DIS3L2: variants seen among roughly 807,000 people sequenced by gnomAD.
DIS3L2 encodes DIS3-like exonuclease 2.
Under a neutral mutation model 97.5 loss-of-function variants are expected in DIS3L2, and 34 were observed. The observed-to-expected ratio is 0.35, with a 90% CI of 0.27 to 0.46. DIS3L2 has a LOEUF of 0.46. DIS3L2 is among the 20% of genes least tolerant of loss of function. DIS3L2 has a pLI of 1.00. For synonymous variants in DIS3L2, 435 were observed against 445.2 expected (o/e 0.98, Z 0.29); for missense variants, 1,038 against 1,146.0 (o/e 0.91, Z 1.36).
At chr2:232,086,648 T>TATATATATATACAC in intron 5 of DIS3L2, among the ~76,000 whole-genome samples, 2 of 46,536 alleles carry the variant, frequency 4.3e-5, no homozygotes, top group African/African-American at 2.7e-4. Context: ...TATATATGTA[T>TATATATATATACAC]ATATATATAT....
At chr2:232,118,308 A>C (rs1416539973) in intron 6 of DIS3L2, among the ~76,000 whole-genome samples, 1 of 152,202 alleles carries the variant, frequency 6.6e-6, no homozygotes, top group African/African-American at 2.4e-5. Flanking sequence ...ACAGGGCATG[A>C]AGACCAAGAG....
chr2:232,253,856 G>C (rs1393037411), intron 12 of DIS3L2, among the ~76,000 whole-genome samples: 1 of 152,094 alleles, frequency 6.6e-6, no homozygotes, highest in Non-Finnish European at 1.5e-5. Context: ...GGGGGCTGCT[G>C]TTTTTCATAA....
chr2:232,090,521 G>A (rs992104288), intron 6 of DIS3L2, among the ~76,000 whole-genome samples: 2 of 151,988 alleles, frequency 1.3e-5, no homozygotes, highest in East Asian at 3.9e-4. Context: ...GAAAATCACA[G>A]CATTTTTAAG....
At position 231,964,613 on chromosome 2, in the gene DIS3L2, G is replaced by A. The variant is rs1467025956; in HGVS notation, c.-94+2848G>A. Among the ~76,000 whole-genome samples, 7 of 152,150 alleles carry A rather than the reference G, an allele frequency of 4.6e-5. No homozygotes were observed. In the South Asian group the frequency reaches 8.3e-4, roughly 18 times the overall value. ...ATGATGATGGAGCTAAAACTGAGGC[G>A]TGTGAACCGTTTTTGGAAATGACAT... On this transcript the variant is annotated intron_variant, in intron 1 of 20. Transcript: ENST00000325385.
At chr2:232,303,094 C>T (rs1694904157) in intron 14 of DIS3L2, among the ~76,000 whole-genome samples, 1 of 152,154 alleles carries the variant, frequency 6.6e-6, no homozygotes, top group South Asian at 2.1e-4. Flanking sequence ...CTCATGACTT[C>T]CATCTTCCCA....
chr2:232,174,585 CAAAAAAA>C (rs60698530), intron 9 of DIS3L2, among the ~76,000 whole-genome samples: 4 of 83,972 alleles, frequency 4.8e-5, no homozygotes, highest in Non-Finnish European at 9.3e-5. Context: ...GACTCCACCT[CAAAAAAA>C]AAAAAAAAAA....
intron 8 of DIS3L2, among the ~76,000 whole-genome samples, chr2:232,138,761 C>T (rs1698428310): frequency 6.6e-6 from 1 of 152,124 alleles, no homozygotes; most frequent in African/African-American, 2.4e-5. Flanking sequence ...GGTTAGCTTC[C>T]ACATAAACTA....
chr2:231,980,383 T>A (rs1270162251), intron 1 of DIS3L2, among the ~76,000 whole-genome samples: 1 of 152,112 alleles, frequency 6.6e-6, no homozygotes, highest in Non-Finnish European at 1.5e-5. Context: ...CCTTTCCCAT[T>A]TTTTTTCATT....
chr2:232,287,503 A>G (rs959155995), intron 13 of DIS3L2, among the ~76,000 whole-genome samples: 1 of 143,774 alleles, frequency 7.0e-6, no homozygotes, highest in African/African-American at 2.6e-5. Flanking sequence ...GGCTTAAATG[A>G]CCCTCCCACT....
At chr2:232,188,271 G>A (rs1329860541) in intron 9 of DIS3L2, among the ~76,000 whole-genome samples, 1 of 152,160 alleles carries the variant, frequency 6.6e-6, no homozygotes, top group African/African-American at 2.4e-5. Context: ...CTTTTCTTGG[G>A]TAATGAAAAT....
chr2:232,099,370 C>T (rs1003139676), intron 6 of DIS3L2, among the ~76,000 whole-genome samples: 6 of 151,978 alleles, frequency 3.9e-5, no homozygotes, highest in Non-Finnish European at 8.8e-5. Context: ...TGTACACCAT[C>T]ACACCCAGAT....
chr2:232,081,187 G>A (rs1045076277), intron 5 of DIS3L2, among the ~76,000 whole-genome samples: 2 of 152,118 alleles, frequency 1.3e-5, no homozygotes, highest in African/African-American at 2.4e-5. Context: ...AGGTGGTGAT[G>A]TGTACTTCCT....
chr2:232,009,131 A>T (rs903696258), intron 1 of DIS3L2, among the ~76,000 whole-genome samples: 2 of 151,944 alleles, frequency 1.3e-5, no homozygotes, highest in Admixed American at 1.3e-4. Context: ...TTATTTTAAA[A>T]GTGTTTTCTT....
chr2:232,280,292 A>T (rs1694248226), intron 13 of DIS3L2, among the ~76,000 whole-genome samples: 1 of 152,126 alleles, frequency 6.6e-6, no homozygotes, highest in Admixed American at 6.5e-5. Flanking sequence ...AAGTTGCCCG[A>T]GGGGTGGCTT....
intron 6 of DIS3L2, among the ~76,000 whole-genome samples, chr2:232,118,160 C>T (rs897637512): frequency 6.6e-6 from 1 of 152,142 alleles, no homozygotes; most frequent in African/African-American, 2.4e-5. Flanking sequence ...TTTATCAGAT[C>T]CAGAGAGTCA....
Position 232,335,840 on chromosome 2 carries a change from A to G in DIS3L2, c.2462A>G (p.Glu821Gly). The G allele has an allele frequency of 6.4e-7, 1 of 1,550,868 alleles. No individual in the cohort carries two copies. Residue 821 changes from glutamate to glycine, a missense_variant, in exon 20 of 21, where the codon GAG (glutamate) becomes GGG (glycine). Glu to Gly is a moderately conservative substitution (Grantham distance 98, BLOSUM62 -2). This residue lies in a region of DIS3L2 where 221 missense variants were observed against 246.9 expected (regional missense o/e 0.90). Coordinates refer to ENST00000325385, the MANE Select transcript of DIS3L2 (RefSeq NM_152383.5). ...GKKPELTLVW[E>G]PEDMEQEPAQ... ...AAGCCGGAACTCACGCTGGTCTGGGAGCCTGAGGACATGGAGCAGGAGCCA... is the reference window on the plus strand; with the variant it reads ...AAGCCGGAACTCACGCTGGTCTGGGGGCCTGAGGACATGGAGCAGGAGCCA...
At chr2:231,970,425 T>C (rs930961256) in intron 1 of DIS3L2, among the ~76,000 whole-genome samples, 2 of 152,200 alleles carry the variant, frequency 1.3e-5, no homozygotes, top group African/African-American at 4.8e-5. Context: ...CTAGGCTATA[T>C]GGTAAAGCCT....
chr2:232,157,110 A>G (rs1690514423), intron 8 of DIS3L2, among the ~76,000 whole-genome samples: 1 of 152,168 alleles, frequency 6.6e-6, no homozygotes, highest in Admixed American at 6.6e-5. Context: ...TGGGAAGGAA[A>G]GTACATAGCA....
rs1465855300 is a variant in DIS3L2, at chr2:232,292,411, A to G, written c.1660-7629A>G. On this transcript the variant is annotated intron_variant, in intron 13 of 20. Transcript: ENST00000325385. The surrounding 1 kb of genome is among the most constrained non-coding windows in gnomAD (Gnocchi z 4.4). ...GGGTCGCCTTGCTGTCTCCATTGTC[A>G]TCCTACCCAGAAAGCTCAGACGGGC... is the stretch of plus-strand genomic sequence containing the variant. Among the ~76,000 whole-genome samples, 1 of 152,100 alleles carries G rather than the reference A, an allele frequency of 6.6e-6. No individual in the cohort carries two copies. The highest frequency in any genetic ancestry group is 1.5e-5 in the Non-Finnish European group (1 of 68,002).
Sources: allele counts gnomAD v4.1 joint callset (sites outside exome capture counted in the v4.1 genomes callset), GRCh38; gene constraint gnomAD v4.1.1; regional missense constraint gnomAD v4.1.1; non-coding constraint Gnocchi (gnomAD v3.1); transcripts MANE v1.5; gene names NCBI Gene and HGNC (gene_info 2026-07-23, HGNC 2026-07-21).